SYNPO2: variants seen among roughly 807,000 people sequenced by gnomAD.
The protein encoded by SYNPO2 is synaptopodin 2, also known as synaptopodin-2.
SYNPO2 carries 56 observed loss-of-function variants against 85.0 expected under a neutral mutation model. The observed-to-expected ratio is 0.66, with a 90% CI of 0.53 to 0.82. The LOEUF (loss-of-function observed/expected upper bound fraction) is 0.82, where lower values mean the gene tolerates loss of function less well. Among genes scored for constraint, SYNPO2 ranks in the 40% least tolerant of loss-of-function variants. The pLI, the probability that SYNPO2 is intolerant of heterozygous loss-of-function variation, is 0.00. For synonymous variants in SYNPO2, 602 were observed against 591.1 expected (o/e 1.02, Z -0.27); for missense variants, 1,575 against 1,534.2 (o/e 1.03, Z -0.44).
At chr4:118,999,232 T>G (rs530019065) in intron 1 of SYNPO2, among the ~76,000 whole-genome samples, 92 of 152,240 alleles carry the variant, frequency 6.0e-4, no homozygotes, top group Non-Finnish European at 1.1e-3. Context: ...CACCGCAGTC[T>G]CCACCTCCCA....
intron 4 of SYNPO2, chr4:119,034,576 G>A: frequency 1.0e-6 from 1 of 985,520 alleles, no homozygotes; most frequent in Non-Finnish European, 1.2e-6. Flanking sequence ...AACTTCAGCT[G>A]GGCACTGGCA....
rs142279784 is a variant in SYNPO2 at position 119,039,782 on chromosome 4, C to T, written c.3252+7755C>T. 5.5e-3 allele frequency among the ~76,000 whole-genome samples: 843 copies of T among 152,160 alleles called. 11 individuals are homozygous for T. Among genetic ancestry groups the T allele is most frequent in the East Asian group, 0.053 (275 of 5,176 alleles). On this transcript the variant is annotated intron_variant, in intron 4 of 4. Transcript: ENST00000307142. Reference sequence around the variant, plus strand: ...AATAATGCAGAGAATAAGGTTCCTTCCAATTTTTAAATTAAAAAGAAGACA... The same window carrying T: ...AATAATGCAGAGAATAAGGTTCCTTTCAATTTTTAAATTAAAAAGAAGACA...
chr4:118,997,023 G>A (rs1578626941), intron 1 of SYNPO2, among the ~76,000 whole-genome samples: 1 of 151,564 alleles, frequency 6.6e-6, no homozygotes, highest in Admixed American at 6.6e-5. Flanking sequence ...GGCGGATCAC[G>A]AGGTCAGGAG....
intron 4 of SYNPO2, among the ~76,000 whole-genome samples, chr4:119,050,666 T>G (rs1351953438): frequency 6.6e-6 from 1 of 152,198 alleles, no homozygotes; most frequent in Non-Finnish European, 1.5e-5. Context: ...CTCCTTAGTG[T>G]TAAGCCCTTT....
intron 1 of SYNPO2, among the ~76,000 whole-genome samples, chr4:118,994,627 C>A (rs1578624617): frequency 6.6e-6 from 1 of 152,152 alleles, no homozygotes; most frequent in East Asian, 1.9e-4. Context: ...TTGTACCTAG[C>A]ATTTTATCAT....
At chr4:119,050,988 G>A (rs565163999) in intron 4 of SYNPO2, among the ~76,000 whole-genome samples, 2 of 152,176 alleles carry the variant, frequency 1.3e-5, no homozygotes, top group African/African-American at 2.4e-5. Context: ...GGAGGGAGAA[G>A]GATGTGGAGA....
In SYNPO2 at chr4:119,031,081, C is replaced by A. The variant is rs1389608062; in HGVS notation, c.2306C>A (p.Ser769Tyr). ...CCAAAACCTGCAGTCAAGTCCTCAT[C>A]CTCCCAACCAGTAACTCCAGTTTCC... is the stretch of plus-strand genomic sequence containing the variant. ...VAPKPAVKSSSSQPVTPVSPV... is the reference protein window; with the variant it reads ...VAPKPAVKSSYSQPVTPVSPV... Residue 769 changes from serine to tyrosine, a missense_variant, in exon 4 of 5, where the codon TCC becomes TAC. Transcript: ENST00000307142. 1.9e-6 allele frequency: 3 copies of A among 1,614,112 alleles called. No individual in the cohort carries two copies. Among genetic ancestry groups the A allele is most frequent in the Non-Finnish European group, 2.5e-6 (3 of 1,180,014 alleles).
At chr4:118,971,016 G>A (rs1274988635) in intron 1 of SYNPO2, among the ~76,000 whole-genome samples, 1 of 152,056 alleles carries the variant, frequency 6.6e-6, no homozygotes, top group Non-Finnish European at 1.5e-5. Context: ...ACACTCTCTG[G>A]GGTGGCAAAA....
intron 4 of SYNPO2, among the ~76,000 whole-genome samples, chr4:119,046,131 T>C (rs926164543): frequency 2.6e-5 from 4 of 152,190 alleles, no homozygotes; most frequent in Non-Finnish European, 5.9e-5. Context: ...AGAGGATTAA[T>C]TGAGGTAACA....
At chr4:119,046,151 T>C (rs1421761339) in intron 4 of SYNPO2, among the ~76,000 whole-genome samples, 1 of 152,174 alleles carries the variant, frequency 6.6e-6, no homozygotes, top group African/African-American at 2.4e-5. Flanking sequence ...AAATACAGTG[T>C]TTAGAACTGT....
chr4:118,970,524 G>A (rs948112751), intron 1 of SYNPO2, among the ~76,000 whole-genome samples: 4 of 152,020 alleles, frequency 2.6e-5, no homozygotes, highest in African/African-American at 9.7e-5. Flanking sequence ...TACCTCCCTT[G>A]GATAAGATGC....
chr4:118,864,230 G>T (rs1731665614), intron 1 of SYNPO2, among the ~76,000 whole-genome samples: 1 of 152,076 alleles, frequency 6.6e-6, no homozygotes, highest in African/African-American at 2.4e-5. Flanking sequence ...TTTCAGGAGA[G>T]CATTGTTTAA....
intron 1 of SYNPO2, among the ~76,000 whole-genome samples, chr4:118,901,152 A>G (rs1732742011): frequency 6.6e-6 from 1 of 152,112 alleles, no homozygotes; most frequent in East Asian, 1.9e-4. Flanking sequence ...GCCATATTGT[A>G]TTATTTTAGC....
intron 1 of SYNPO2, among the ~76,000 whole-genome samples, chr4:119,020,667 A>G (rs1364614076): frequency 6.6e-6 from 1 of 152,082 alleles, no homozygotes; most frequent in African/African-American, 2.4e-5. Flanking sequence ...TTCTGTTCGA[A>G]TCCTGGTATA....
At chr4:118,948,916 G>A (rs1734594752) in intron 1 of SYNPO2, among the ~76,000 whole-genome samples, 1 of 152,202 alleles carries the variant, frequency 6.6e-6, no homozygotes. Flanking sequence ...TGCAGTTAGA[G>A]TTGCTCCTCT....
At chr4:118,927,886 A>G (rs1733792552) in intron 1 of SYNPO2, among the ~76,000 whole-genome samples, 1 of 152,184 alleles carries the variant, frequency 6.6e-6, no homozygotes, top group African/African-American at 2.4e-5. Context: ...TTGTACTGGC[A>G]TTATACAGAA....
At chr4:118,863,390 T>G (rs984841141) in intron 1 of SYNPO2, among the ~76,000 whole-genome samples, 1 of 152,192 alleles carries the variant, frequency 6.6e-6, no homozygotes, top group Non-Finnish European at 1.5e-5. Context: ...CTTGGTAGGT[T>G]GTATGTGTCT....
upstream of SYNPO2, among the ~76,000 whole-genome samples, chr4:118,888,091 A>T (rs1483186190): frequency 6.6e-6 from 1 of 152,226 alleles, no homozygotes; most frequent in Non-Finnish European, 1.5e-5. Flanking sequence ...AAAAATAAGA[A>T]ACCTGTAGGT....
At chr4:118,920,120 G>A (rs1733485503) in intron 1 of SYNPO2, among the ~76,000 whole-genome samples, 1 of 152,176 alleles carries the variant, frequency 6.6e-6, no homozygotes, top group Non-Finnish European at 1.5e-5. Context: ...GGATCCTGTA[G>A]GATAAGGTGG....
Sources: allele counts gnomAD v4.1 joint callset (sites outside exome capture counted in the v4.1 genomes callset), GRCh38; gene constraint gnomAD v4.1.1; transcripts MANE v1.5; gene names NCBI Gene and HGNC (gene_info 2026-07-23, HGNC 2026-07-21).